ST8SIA1: variants seen among roughly 807,000 people sequenced by gnomAD.
ST8SIA1 encodes the protein alpha-N-acetylneuraminide alpha-2,8-sialyltransferase.
A neutral mutation model predicts 35.9 loss-of-function variants in ST8SIA1; 16 were observed. The observed-to-expected ratio is 0.45, with a 90% CI of 0.30 to 0.68. The LOEUF (loss-of-function observed/expected upper bound fraction) is 0.68, where lower values mean the gene tolerates loss of function less well. Among genes scored for constraint, ST8SIA1 ranks in the 30% least tolerant of loss-of-function variants. The pLI is 0.09. For missense variants in ST8SIA1, 383 were observed against 453.6 expected, an observed-to-expected ratio of 0.84 and a Z score of 1.41; for synonymous variants, 170 against 169.6, an observed-to-expected ratio of 1.00 and a Z score of -0.02.
intron 1 of ST8SIA1, among the ~76,000 whole-genome samples, chr12:22,319,225 A>G (rs1866553960): frequency 1.3e-5 from 2 of 152,230 alleles, no homozygotes; most frequent in Admixed American, 1.3e-4. Flanking sequence ...AATAAATAGC[A>G]ACTCTATTAC....
chr12:22,246,159 GGTGGGGGTGGGGGGTAGTCTT>G (rs1224542698), intron 4 of ST8SIA1, among the ~76,000 whole-genome samples: 1 of 152,298 alleles, frequency 6.6e-6, no homozygotes, highest in African/African-American at 2.4e-5. Flanking sequence ...ACTTGTGACT[GGTGGGGGTGGGGGGTAGTCTT>G]GTGGGACTGA....
At chr12:22,264,772 T>C (rs1865828535) in intron 2 of ST8SIA1, among the ~76,000 whole-genome samples, 2 of 152,202 alleles carry the variant, frequency 1.3e-5, no homozygotes, top group South Asian at 4.1e-4. Context: ...CTTTTAACTG[T>C]TCTTCAATTA....
chr12:22,263,245 C>T lies in ST8SIA1; in HGVS notation c.382-7856G>A, dbSNP rs796461743. Among the ~76,000 whole-genome samples, 102 of 152,272 alleles carry T rather than the reference C, an allele frequency of 6.7e-4. 1 individual carries two copies. Among genetic ancestry groups the T allele is most frequent in the African/African-American group, 2.2e-3 (93 of 41,554 alleles). The stretch of plus-strand genomic sequence containing the variant: ...TTTTGAAGACGACAACAGGAGTCTC[C>T]GTGTTTTAAGTTTAATATAGGATAT... On this transcript the variant is annotated intron_variant, in intron 2 of 4. Coordinates refer to ENST00000396037, the MANE Select transcript of ST8SIA1 (RefSeq NM_003034.4).
intron 4 of ST8SIA1, among the ~76,000 whole-genome samples, chr12:22,244,030 C>A (rs1329033884): frequency 2.7e-5 from 4 of 147,668 alleles, no homozygotes; most frequent in Non-Finnish European, 3.0e-5. Flanking sequence ...AATTCTGTCT[C>A]AAAAAAAAAA....
intron 2 of ST8SIA1, among the ~76,000 whole-genome samples, chr12:22,256,941 A>T (rs1388446677): frequency 2.0e-5 from 3 of 152,208 alleles, no homozygotes; most frequent in Admixed American, 6.5e-5. Context: ...TGTCAGATGA[A>T]GATTTAAATA....
intron 1 of ST8SIA1, chr12:22,325,867 G>A: frequency 4.3e-6 from 3 of 701,792 alleles, no homozygotes; most frequent in Non-Finnish European, 7.8e-6. Context: ...CACAAGCACG[G>A]TGATCCCACC....
chr12:22,202,963 T>G (rs1865066194), intron 4 of ST8SIA1, among the ~76,000 whole-genome samples: 1 of 152,210 alleles, frequency 6.6e-6, no homozygotes, highest in Non-Finnish European at 1.5e-5. Flanking sequence ...CAGCAGTGGC[T>G]GAAGACAAGG....
Position 22,334,303 on chromosome 12 carries a change from TC to T in ST8SIA1, c.-72del. ...AGCTAGGCGAAGTGGCAGCGGAGGG[TC>T]CCCCACCGCCAGCCCCCCATGCACA... On this transcript the variant is annotated 5_prime_UTR_variant, in exon 1 of 5. An upstream open reading frame in the 5' UTR loses its in-frame stop. Transcript: ENST00000396037. 5 of 1,236,250 alleles carry T rather than the reference TC, an allele frequency of 4.0e-6. No homozygotes were observed. The highest frequency in any genetic ancestry group is 1.3e-5 in the South Asian group (1 of 77,776). The allele number at this position is 1,236,250 out of a possible 1,614,324, so 76.6% of individuals were successfully genotyped here.
In ST8SIA1 at chr12:22,254,458, GGT is replaced by G. The variant is rs1360143219; in HGVS notation, c.491+820_491+821del. 2.6e-5 allele frequency among the ~76,000 whole-genome samples: 4 copies of G among 152,030 alleles called. No individual in the cohort carries two copies. The East Asian group carries it at 5.8e-4, about 22-fold the overall frequency. Reference sequence around the variant, plus strand: ...TCTTCCTGCCCAGCCCTGATTTCAAGGTGTGTTACTTTACACCCTCTCTAGCC... The same window carrying G: ...TCTTCCTGCCCAGCCCTGATTTCAAGGTGTTACTTTACACCCTCTCTAGCC... On this transcript the variant is annotated intron_variant, in intron 3 of 4. Coordinates refer to ENST00000396037, the MANE Select transcript of ST8SIA1 (RefSeq NM_003034.4).
chr12:22,241,364 T>A (rs1865538692), intron 4 of ST8SIA1, among the ~76,000 whole-genome samples: 1 of 152,090 alleles, frequency 6.6e-6, no homozygotes. Flanking sequence ...CAATAGTAAG[T>A]GACTTATCAT....
At chr12:22,208,723 A>G (rs913984625) in intron 4 of ST8SIA1, among the ~76,000 whole-genome samples, 7 of 152,318 alleles carry the variant, frequency 4.6e-5, no homozygotes, top group Admixed American at 2.0e-4. Flanking sequence ...TACCAATGTC[A>G]AAACTGATTA....
At chr12:22,243,070 A>C (rs1423522222) in intron 4 of ST8SIA1, among the ~76,000 whole-genome samples, 1 of 151,788 alleles carries the variant, frequency 6.6e-6, no homozygotes, top group Non-Finnish European at 1.5e-5. Flanking sequence ...GCCTTCTCTA[A>C]CTTTCTTTTT....
chr12:22,323,340 C>T (rs917174676), intron 1 of ST8SIA1, among the ~76,000 whole-genome samples: 1 of 152,158 alleles, frequency 6.6e-6, no homozygotes, highest in Non-Finnish European at 1.5e-5. Context: ...TGCACTTAGC[C>T]AAAGCCAAAG....
intron 4 of ST8SIA1, among the ~76,000 whole-genome samples, chr12:22,212,044 G>A (rs757696745): frequency 6.6e-6 from 1 of 151,998 alleles, no homozygotes; most frequent in Non-Finnish European, 1.5e-5. Flanking sequence ...TGATAAGTGA[G>A]GATTATGGCG....
At chr12:22,247,810 G>T (rs1406618175) in intron 4 of ST8SIA1, among the ~76,000 whole-genome samples, 7 of 151,600 alleles carry the variant, frequency 4.6e-5, no homozygotes, top group Admixed American at 3.9e-4. Flanking sequence ...TAAAATATTT[G>T]ATACAAAGAC....
intron 2 of ST8SIA1, among the ~76,000 whole-genome samples, chr12:22,280,588 TC>T (rs1866021416): frequency 6.6e-6 from 1 of 152,190 alleles, no homozygotes; most frequent in Non-Finnish European, 1.5e-5. Context: ...GATAGAGCAT[TC>T]CTTTATTTTT....
At chr12:22,216,028 T>C (rs34136037) in intron 4 of ST8SIA1, among the ~76,000 whole-genome samples, 16,324 of 152,204 alleles carry the variant, frequency 0.11, 1,133 homozygotes, top group Middle Eastern at 0.21. Context: ...ACCCTCAAAT[T>C]GTGTCTGGAT....
In ST8SIA1 at chr12:22,199,159, C is replaced by CT. The variant is rs66890410; in HGVS notation, c.*2392dup. 33,303 of 139,682 alleles carry CT rather than the reference C, an allele frequency of 0.24. 5,148 individuals are homozygous for CT. The highest frequency in any genetic ancestry group is 0.42 in the African/African-American group (15,709 of 37,798). The allele number at this position is 139,682 out of a possible 1,614,324, so 8.7% of individuals were successfully genotyped here. A position where few individuals can be genotyped will look rare whatever the true frequency, so the allele number is the denominator to read the frequency against. On this transcript the variant is annotated 3_prime_UTR_variant, in exon 5 of 5. Transcript: ENST00000396037. ...ATAATATTTTCTTTCTTTTTCTTTT[C>CT]TTTTTTTTTTTTTTGAGACAGGGTC...
chr12:22,245,431 ATTGAT>A (rs1446916719), intron 4 of ST8SIA1, among the ~76,000 whole-genome samples: 1 of 152,212 alleles, frequency 6.6e-6, no homozygotes, highest in Non-Finnish European at 1.5e-5. Context: ...GTGTACACAT[ATTGAT>A]TTGAACAGAA....
Sources: gnomAD v4.1 joint callset for allele counts (sites outside exome capture counted in the v4.1 genomes callset) on GRCh38, gnomAD v4.1.1 for gene constraint, MANE v1.5 for transcripts, NCBI Gene and HGNC (gene_info 2026-07-23, HGNC 2026-07-21) for gene names.